CPT1A: variants seen among roughly 807,000 people sequenced by gnomAD.
CPT1A encodes the protein carnitine palmitoyltransferase 1A.
Under a neutral mutation model 100.8 loss-of-function variants are expected in CPT1A, and 64 were observed. That is an observed-to-expected ratio of 0.63 (90% CI 0.52 to 0.78). CPT1A has a LOEUF of 0.78. CPT1A is among the 30% of genes least tolerant of loss of function. CPT1A has a pLI of 0.00. For missense variants in CPT1A, 802 were observed against 1,034.1 expected (o/e 0.78, Z 3.08); for synonymous variants, 363 against 396.0 (o/e 0.92, Z 0.99).
At chr11:68,792,786 C>T (rs766635475) in intron 9 of CPT1A, among the ~76,000 whole-genome samples, 8 of 152,224 alleles carry the variant, frequency 5.3e-5, no homozygotes, top group Non-Finnish European at 1.2e-4. Context: ...GTGTGACTCA[C>T]GCCTGTAATC....
chr11:68,803,712 A>AAAAATAAAATAAAAT lies in CPT1A; in HGVS notation c.555+273_555+287dup, dbSNP rs59753299. On this transcript the variant is annotated intron_variant, in intron 5 of 18. Coordinates refer to ENST00000265641, the MANE Select transcript of CPT1A (RefSeq NM_001876.4). ...GGTGACAGAGGGAGAGTCCATCACA[A>AAAAATAAAATAAAAT]AAAATAAAATAAAATAAAATAAAAT... Among the ~76,000 whole-genome samples the AAAAATAAAATAAAAT allele has an allele frequency of 0.028, 3,965 of 143,714 alleles. 92 individuals carry two copies. Among genetic ancestry groups the AAAAATAAAATAAAAT allele is most frequent in the Middle Eastern group, 0.073 (21 of 286 alleles). The allele number at this position is 143,714 out of a possible 152,430, so 94.3% of individuals were successfully genotyped here. A position where few individuals can be genotyped will look rare whatever the true frequency, so the allele number is the denominator to read the frequency against.
chr11:68,810,410 G>T (rs897918841), intron 3 of CPT1A, among the ~76,000 whole-genome samples: 1 of 152,140 alleles, frequency 6.6e-6, no homozygotes, highest in Non-Finnish European at 1.5e-5. Flanking sequence ...AGGCGTCCCA[G>T]CCAGGCATGC....
In CPT1A at chr11:68,785,017, C is replaced by A; in HGVS notation, c.968-7G>T. The A allele has an allele frequency of 1.2e-6, 2 of 1,613,172 alleles. No individual in the cohort carries two copies. Among genetic ancestry groups the A allele is most frequent in the Middle Eastern group, 1.6e-4 (1 of 6,062 alleles). On this transcript the variant is annotated splice_polypyrimidine_tract_variant and splice_region_variant and intron_variant, in intron 9 of 18. Coordinates refer to ENST00000265641, the MANE Select transcript of CPT1A (RefSeq NM_001876.4). The stretch of plus-strand genomic sequence containing the variant: ...CTCATGTGCTGGATGGTGTCTGAGC[C>A]GGCCGCAGGTTGGAGACACAAAACC...
In CPT1A at chr11:68,781,775, C is replaced by T. The variant is rs745680805; in HGVS notation, c.1348G>A (p.Asp450Asn). The T allele has an allele frequency of 3.7e-6, 6 of 1,614,152 alleles. No homozygotes were observed. The highest frequency in any genetic ancestry group is 2.2e-5 in the East Asian group (1 of 44,892). Residue 450 changes from aspartate to asparagine, a missense_variant, in exon 11 of 19, where the codon GAC (aspartate) becomes AAC (asparagine). Asp to Asn is a conservative substitution (Grantham distance 23, BLOSUM62 1). Coordinates refer to ENST00000265641, the MANE Select transcript of CPT1A (RefSeq NM_001876.4). ...CTCAGAAGGTAAGGACGGTACCTGT[C>T]GTAACATCGGCCGTGTAGTAGAGAT... ...AKSLLHGRCY[D>N]RWFDKSFTFV...
Position 68,810,782 on chromosome 11 carries a change from C to T in CPT1A, c.281+1655G>A, listed in dbSNP as rs544675302. On this transcript the variant is annotated intron_variant, in intron 3 of 18. Coordinates refer to ENST00000265641, the MANE Select transcript of CPT1A (RefSeq NM_001876.4). The stretch of plus-strand genomic sequence containing the variant: ...AGTGGACCACCTGAGGTCAATAGTT[C>T]GAGATCAGCCTGGCCAACATGGTGA... Among the ~76,000 whole-genome samples, 104 of 152,180 alleles carry T rather than the reference C, an allele frequency of 6.8e-4. 1 individual carries two copies. The highest frequency in any genetic ancestry group is 2.4e-3 in the African/African-American group (99 of 41,508).
chr11:68,773,169 G>A (rs1463910983), intron 14 of CPT1A, 96 bp downstream of exon 14: 1 of 1,582,746 alleles, frequency 6.3e-7, no homozygotes, highest in African/African-American at 1.3e-5. Context: ...CCTATGCCGG[G>A]TTTCGGGCCT....
At chr11:68,839,074 C>T (rs1857094434) in intron 1 of CPT1A, among the ~76,000 whole-genome samples, 2 of 152,104 alleles carry the variant, frequency 1.3e-5, no homozygotes, top group African/African-American at 4.8e-5. Context: ...CTTAAAGCAC[C>T]AATTCTTCCG....
Position 68,815,579 on chromosome 11 carries a change from A to G in CPT1A, c.-13-92T>C, listed in dbSNP as rs182688181. 3.9e-6 allele frequency: 5 copies of G among 1,274,934 alleles called. No homozygotes were observed. In the East Asian group the frequency reaches 1.2e-4, roughly 30 times the overall value. The allele number at this position is 1,274,934 out of a possible 1,614,324, so 79.0% of individuals were successfully genotyped here. ...AGAAGTGCCATTCCTTCTGAACTTA[A>G]GTTCTTCCTCGCCACTTAACAGATT... On this transcript the variant is annotated intron_variant, in intron 1 of 18. Transcript: ENST00000265641.
At position 68,794,922 on chromosome 11, in the gene CPT1A, A is replaced by G. The variant is rs1855717762; in HGVS notation, c.772-11T>C. On this transcript the variant is annotated splice_polypyrimidine_tract_variant and intron_variant, in intron 7 of 18. Transcript: ENST00000265641. The stretch of plus-strand genomic sequence containing the variant: ...GATATACAGCAGATCCTGAAAAGCG[A>G]CAAAGGTGGAGAGAATTTGCATAGG... 6.2e-7 allele frequency: 1 copy of G among 1,608,950 alleles called. No individual in the cohort carries two copies. The highest frequency in any genetic ancestry group is 8.5e-7 in the Non-Finnish European group (1 of 1,175,348).
chr11:68,824,714 C>CACTCAGGCAGTGGTTAT, intron 1 of CPT1A, among the ~76,000 whole-genome samples: 1 of 151,970 alleles, frequency 6.6e-6, no homozygotes, highest in East Asian at 1.9e-4. Context: ...TGAGCCATGG[C>CACTCAGGCAGTGGTTAT]ACTCAGGCAG....
Position 68,796,928 on chromosome 11 carries a change from G to A in CPT1A, c.699C>T (p.Ser233=), listed in dbSNP as rs777831837. ...GGTAGATGTACTCCTCCCACCAGTC[G>A]CTCACCTAGTGGGCGCAAACACCAG... ...LKSWWATNYV[S]DWWEEYIYLR... is the part of the protein sequence containing the mutation. Residue 233 remains serine, a synonymous_variant, in exon 7 of 19, where the codon AGC becomes AGT. Coordinates refer to ENST00000265641, the MANE Select transcript of CPT1A (RefSeq NM_001876.4). The A allele has an allele frequency of 6.2e-6, 10 of 1,613,710 alleles. No individual in the cohort carries two copies. The highest frequency in any genetic ancestry group is 4.5e-5 in the East Asian group (2 of 44,858).
intron 17 of CPT1A, among the ~76,000 whole-genome samples, 171 bp downstream of exon 17, chr11:68,760,054 A>G (rs531370416): frequency 1.3e-5 from 2 of 152,322 alleles, no homozygotes; most frequent in African/African-American, 4.8e-5. Context: ...AAAATAAAAA[A>G]TAAGTGCAAG....
intron 10 of CPT1A, 73 bp downstream of exon 10, chr11:68,784,742 T>A (rs1855406451): frequency 1.4e-6 from 2 of 1,439,936 alleles, no homozygotes; most frequent in African/African-American, 2.8e-5. Flanking sequence ...CAGGCCCTGG[T>A]GGGGATGGGC....
At chr11:68,784,786 A>C (rs1855408226) in intron 10 of CPT1A, 29 bp downstream of exon 10, 2 of 1,600,286 alleles carry the variant, frequency 1.2e-6, no homozygotes, top group Non-Finnish European at 1.7e-6. Flanking sequence ...CCACCCCCCA[A>C]AACAGGACAA....
At chr11:68,775,245 A>G (rs1053107607) in intron 13 of CPT1A, 71 bp downstream of exon 13, 4 of 1,297,914 alleles carry the variant, frequency 3.1e-6, no homozygotes, top group Non-Finnish European at 4.5e-6. Context: ...CGGTTGGAAA[A>G]TTCATCTGTA....
chr11:68,804,158 T>C, intron 4 of CPT1A, 57 bp from the exon 5 acceptor site: 1 of 1,354,474 alleles, frequency 7.4e-7, no homozygotes. Context: ...AAGGCACCTG[T>C]TCTCGTCTGA....
At chr11:68,815,667 G>A (rs774103246) in intron 1 of CPT1A, among the ~76,000 whole-genome samples, 180 bp from the exon 2 acceptor site, 3 of 152,132 alleles carry the variant, frequency 2.0e-5, no homozygotes, top group African/African-American at 4.8e-5. Context: ...CCTGTCCACC[G>A]CTACAAAGAC....
Position 68,828,347 on chromosome 11 carries a change from C to T in CPT1A, c.-13-12860G>A, listed in dbSNP as rs114242926. On this transcript the variant is annotated intron_variant, in intron 1 of 18. Transcript: ENST00000265641. ...ACCACTTTGCAGCCTGTGTTCCTTC[C>T]GCTTCTGTGTGTCCAGAATGGGCCA... Among the ~76,000 whole-genome samples the T allele has an allele frequency of 7.1e-3, 1,080 of 152,360 alleles. 7 individuals are homozygous for T. Among genetic ancestry groups the T allele is most frequent in the African/African-American group, 0.024 (998 of 41,580 alleles).
At chr11:68,830,688 C>T (rs563033808) in intron 1 of CPT1A, among the ~76,000 whole-genome samples, 31 of 152,338 alleles carry the variant, frequency 2.0e-4, no homozygotes, top group Admixed American at 5.2e-4. Flanking sequence ...CAGCCTTGAC[C>T]TATGCCACTA....
Sources: allele counts gnomAD v4.1 joint callset (sites outside exome capture counted in the v4.1 genomes callset), GRCh38; gene constraint gnomAD v4.1.1; transcripts MANE v1.5; gene names NCBI Gene and HGNC (gene_info 2026-07-23, HGNC 2026-07-21).